COPS4: variants seen among roughly 807,000 people sequenced by gnomAD.
COPS4 encodes the protein COP9 signalosome complex subunit 4.
In COPS4, 8 loss-of-function variants were observed where a neutral mutation model predicts 55.1. The observed-to-expected ratio is 0.15, with a 90% CI of 0.09 to 0.26. COPS4 has a LOEUF of 0.26. Ranked by LOEUF, COPS4 falls within the 10% of genes least tolerant of loss-of-function variation. The pLI is 1.00. For missense variants in COPS4, 248 were observed against 484.0 expected, an observed-to-expected ratio of 0.51 and a Z score of 4.58; for synonymous variants, 185 against 165.7, an observed-to-expected ratio of 1.12 and a Z score of -0.90.
intron 9 of COPS4, among the ~76,000 whole-genome samples, chr4:83,073,847 C>T (rs1731499570): frequency 6.6e-6 from 1 of 151,886 alleles, no homozygotes; most frequent in African/African-American, 2.4e-5. Flanking sequence ...GTCCCAGCTA[C>T]TTGGGAGGCT....
chr4:83,062,251 G>T (rs751341006), intron 6 of COPS4, among the ~76,000 whole-genome samples: 12 of 151,990 alleles, frequency 7.9e-5, no homozygotes, highest in Non-Finnish European at 1.6e-4. Flanking sequence ...AATGTTTATT[G>T]TAGAAGTACA....
intron 4 of COPS4, among the ~76,000 whole-genome samples, chr4:83,050,438 C>T (rs1190369944): frequency 1.3e-5 from 2 of 152,128 alleles, no homozygotes; most frequent in Admixed American, 6.5e-5. Flanking sequence ...GCTGGGACTA[C>T]AGGCATGCAC....
intron 1 of COPS4, 64 bp from the exon 2 acceptor site, chr4:83,045,562 A>G (rs770864789): frequency 7.8e-7 from 1 of 1,284,598 alleles, no homozygotes. Flanking sequence ...ATAAATACAC[A>G]TCAAAGTTTG....
intron 3 of COPS4, 78 bp downstream of exon 3, chr4:83,049,395 AAGG>A: frequency 7.8e-7 from 1 of 1,284,778 alleles, no homozygotes; most frequent in Non-Finnish European, 1.1e-6. Flanking sequence ...TAAATTCTTA[AAGG>A]AGATAATCAT....
At position 83,066,478 on chromosome 4, in the gene COPS4, G is replaced by A. The variant is rs1476362386; in HGVS notation, c.927G>A (p.Leu309=). The stretch of plus-strand genomic sequence containing the variant: ...ACAGAGCTGTTATTGAACACAATTT[G>A]TTGTCTGCAAGCAAATTATATAATA... ...ILDRAVIEHN[L]LSASKLYNNI... The change falls in exon 8 of 10, where the codon TTG becomes TTA. Residue 309 remains leucine (L), a synonymous_variant. Transcript: ENST00000264389. The A allele has an allele frequency of 6.2e-7, 1 of 1,600,270 alleles. No individual in the cohort carries two copies. The highest frequency in any genetic ancestry group is 8.5e-7 in the Non-Finnish European group (1 of 1,173,536).
intron 7 of COPS4, among the ~76,000 whole-genome samples, chr4:83,065,548 C>T (rs915753856): frequency 6.6e-6 from 1 of 152,200 alleles, no homozygotes; most frequent in Non-Finnish European, 1.5e-5. Flanking sequence ...CCCCTGCACT[C>T]ATTATAGTAG....
At chr4:83,055,264 C>T (rs1990066650) in intron 4 of COPS4, among the ~76,000 whole-genome samples, 1 of 152,110 alleles carries the variant, frequency 6.6e-6, no homozygotes, top group Non-Finnish European at 1.5e-5. Flanking sequence ...TAAAATGTGA[C>T]CACTGAGATG....
intron 4 of COPS4, 99 bp downstream of exon 4, chr4:83,050,083 A>G (rs1250171986): frequency 2.9e-6 from 2 of 699,132 alleles, no homozygotes; most frequent in Non-Finnish European, 4.7e-6. Flanking sequence ...CAGATAAACA[A>G]ATAAATACAA....
chr4:83,068,794 AC>A (rs1241884873), intron 9 of COPS4, among the ~76,000 whole-genome samples: 1 of 152,104 alleles, frequency 6.6e-6, no homozygotes, highest in African/African-American at 2.4e-5. Context: ...ACACGGTGAA[AC>A]CCTGCCTCTA....
chr4:83,062,945 A>G, intron 6 of COPS4, 131 bp from the exon 7 acceptor site: 2 of 738,112 alleles, frequency 2.7e-6, no homozygotes, highest in East Asian at 2.9e-5. Flanking sequence ...GCAGACCATA[A>G]TTACCATGAA....
At chr4:83,046,481 G>A (rs1290512612) in intron 2 of COPS4, among the ~76,000 whole-genome samples, 2 of 152,086 alleles carry the variant, frequency 1.3e-5, no homozygotes, top group East Asian at 1.9e-4. Flanking sequence ...AACCCCACAT[G>A]CACTTGTATA....
chr4:83,043,753 A>G (rs1730632808), intron 1 of COPS4, among the ~76,000 whole-genome samples: 1 of 152,190 alleles, frequency 6.6e-6, no homozygotes, highest in South Asian at 2.1e-4. Context: ...AAGCATGCCC[A>G]GGGCCATAAA....
At chr4:83,035,355 T>C (rs1313543629) in intron 1 of COPS4, 57 bp downstream of exon 1, 25 of 1,364,830 alleles carry the variant, frequency 1.8e-5, no homozygotes, top group Non-Finnish European at 2.5e-5. Context: ...GCCACAGCCT[T>C]AATCTCCTTA....
rs199653341 is a variant in COPS4 at position 83,068,530 on chromosome 4, G to T, written c.1087+8G>T. 2.0e-5 allele frequency: 31 copies of T among 1,545,386 alleles called. 1 individual carries two copies. In the Admixed American group the frequency reaches 4.7e-4, roughly 23 times the overall value. ...GAATAGTTCATTTTGAAAGTAAGAG[G>T]TTTTGTGTATTTCTGTCATAATGAA... On this transcript the variant is annotated splice_region_variant and intron_variant, in intron 9 of 9. Coordinates refer to ENST00000264389, the MANE Select transcript of COPS4 (RefSeq NM_016129.3).
intron 1 of COPS4, among the ~76,000 whole-genome samples, chr4:83,041,387 T>C (rs1028469974): frequency 2.6e-5 from 4 of 152,000 alleles, no homozygotes; most frequent in Non-Finnish European, 5.9e-5. Flanking sequence ...AAGAAAATAT[T>C]TGGCACTTGT....
At position 83,046,984 on chromosome 4, in the gene COPS4, C is replaced by T. The variant is rs1051107713; in HGVS notation, c.154+1279C>T. Reference sequence around the variant, plus strand: ...GTATGGTAACTTAAATGCCTAATGACACTTGTAATGAAACTGTTTTCTCAG... The same window carrying T: ...GTATGGTAACTTAAATGCCTAATGATACTTGTAATGAAACTGTTTTCTCAG... On this transcript the variant is annotated intron_variant, in intron 2 of 9. Transcript: ENST00000264389. 2.0e-5 allele frequency among the ~76,000 whole-genome samples: 3 copies of T among 152,158 alleles called. No homozygotes were observed. The East Asian group carries it at 5.8e-4, about 29-fold the overall frequency.
intron 9 of COPS4, among the ~76,000 whole-genome samples, chr4:83,074,806 T>A (rs1731530624): frequency 6.6e-6 from 1 of 151,816 alleles, no homozygotes; most frequent in Admixed American, 6.6e-5. Context: ...ATGCCTGGCC[T>A]GAGTTTTAGA....
At chr4:83,053,839 CAA>C (rs55904890) in intron 4 of COPS4, among the ~76,000 whole-genome samples, 11 of 86,556 alleles carry the variant, frequency 1.3e-4, no homozygotes, top group Admixed American at 8.8e-4. Context: ...GACTCTGTCT[CAA>C]AAAAAAAAAA....
At chr4:83,064,662 A>G (rs1030345136) in intron 7 of COPS4, among the ~76,000 whole-genome samples, 61 of 151,888 alleles carry the variant, frequency 4.0e-4, no homozygotes, top group African/African-American at 1.4e-3. Flanking sequence ...TGGTGCAATC[A>G]TGGCCCACTG....
Sources: allele counts gnomAD v4.1 joint callset (sites outside exome capture counted in the v4.1 genomes callset), GRCh38; gene constraint gnomAD v4.1.1; transcripts MANE v1.5; gene names NCBI Gene and HGNC (gene_info 2026-07-23, HGNC 2026-07-21).